The following GMDS variants were observed in gnomAD, a reference collection of about 807,000 sequenced individuals.
GMDS encodes GDP-mannose 4,6 dehydratase.
Under a neutral mutation model 49.9 loss-of-function variants are expected in GMDS, and 20 were observed. The ratio of observed to expected loss-of-function variants is 0.40; its 90% confidence interval spans 0.28 to 0.58. GMDS has a LOEUF of 0.58. Ranked by LOEUF, GMDS falls within the 20% of genes least tolerant of loss-of-function variation. The pLI, the probability that GMDS is intolerant of heterozygous loss-of-function variation, is 0.42. For missense variants in GMDS, 362 were observed against 481.4 expected, an observed-to-expected ratio of 0.75 and a Z score of 2.32; for synonymous variants, 177 against 178.6, an observed-to-expected ratio of 0.99 and a Z score of 0.07.
chr6:2,129,598 G>A (rs943539033), intron 1 of GMDS, among the ~76,000 whole-genome samples: 1 of 152,152 alleles, frequency 6.6e-6, no homozygotes, highest in African/African-American at 2.4e-5. Context: ...AACCCCTTCT[G>A]CAAGAAGAGA....
intron 1 of GMDS, among the ~76,000 whole-genome samples, chr6:2,157,961 T>C (rs1023011269): frequency 1.7e-4 from 26 of 152,154 alleles, no homozygotes; most frequent in African/African-American, 5.3e-4. Context: ...GAAATGGGCA[T>C]TAAAATCTGC....
At chr6:2,014,633 A>C (rs1195735802) in intron 4 of GMDS, among the ~76,000 whole-genome samples, 2 of 152,150 alleles carry the variant, frequency 1.3e-5, no homozygotes, top group African/African-American at 4.8e-5. Flanking sequence ...AAATCAGAGA[A>C]GGCAAGAATA....
chr6:2,109,637 T>C (rs1271660454), intron 4 of GMDS, among the ~76,000 whole-genome samples: 2 of 152,168 alleles, frequency 1.3e-5, no homozygotes, highest in African/African-American at 2.4e-5. Flanking sequence ...TTAGAGTGTG[T>C]CCCAGGAACC....
intron 1 of GMDS, among the ~76,000 whole-genome samples, chr6:2,159,059 T>G (rs1777250368): frequency 1.3e-5 from 2 of 152,210 alleles, no homozygotes; most frequent in Non-Finnish European, 2.9e-5. Flanking sequence ...TTCCTCAATT[T>G]TTTAGAATTG....
chr6:1,743,083 T>C (rs1767337007), intron 7 of GMDS, among the ~76,000 whole-genome samples: 1 of 152,146 alleles, frequency 6.6e-6, no homozygotes, highest in Non-Finnish European at 1.5e-5. Context: ...ACAATAAAGT[T>C]GAGAAGGTAC....
chr6:2,210,958 G>A (rs1414470692), intron 1 of GMDS, among the ~76,000 whole-genome samples: 21 of 152,164 alleles, frequency 1.4e-4, no homozygotes, highest in Admixed American at 1.4e-3. Flanking sequence ...GTTTAAAAGT[G>A]TGTGGCACTT....
At chr6:1,878,156 A>C (rs1759176048) in intron 7 of GMDS, among the ~76,000 whole-genome samples, 1 of 151,972 alleles carries the variant, frequency 6.6e-6, no homozygotes, top group South Asian at 2.1e-4. Context: ...TACTAAAAAT[A>C]CACAAAAAAT....
chr6:1,830,379 C>G (rs1056560183), intron 7 of GMDS, among the ~76,000 whole-genome samples: 2 of 152,194 alleles, frequency 1.3e-5, no homozygotes, highest in Admixed American at 1.3e-4. Context: ...CCCCCAGTAG[C>G]GACAACCAAA....
chr6:2,160,524 T>C (rs932441082), intron 1 of GMDS, among the ~76,000 whole-genome samples: 2 of 152,174 alleles, frequency 1.3e-5, no homozygotes, highest in African/African-American at 2.4e-5. Context: ...TGTAGAAAAA[T>C]GTCATTCAAT....
At chr6:1,736,678 G>A (rs1371173312) in intron 8 of GMDS, among the ~76,000 whole-genome samples, 1 of 152,216 alleles carries the variant, frequency 6.6e-6, no homozygotes, top group Non-Finnish European at 1.5e-5. Flanking sequence ...ATCTATCTCA[G>A]GGATCAACGG....
intron 6 of GMDS, among the ~76,000 whole-genome samples, chr6:1,931,963 G>GT (rs1290634573): frequency 1.3e-5 from 2 of 152,232 alleles, no homozygotes; most frequent in Admixed American, 1.3e-4. Context: ...CACAGAGAGG[G>GT]TCAGGTGGGC....
At chr6:2,035,402 A>G (rs1364941489) in intron 4 of GMDS, among the ~76,000 whole-genome samples, 1 of 152,130 alleles carries the variant, frequency 6.6e-6, no homozygotes, top group Non-Finnish European at 1.5e-5. Context: ...GCTCCTCATG[A>G]TATCAGGATA....
intron 4 of GMDS, among the ~76,000 whole-genome samples, chr6:1,981,702 A>T (rs2127347329): frequency 6.6e-6 from 1 of 152,268 alleles, no homozygotes; most frequent in Non-Finnish European, 1.5e-5. Context: ...ACCAAAACCT[A>T]GCAGAGGTAC....
intron 7 of GMDS, among the ~76,000 whole-genome samples, chr6:1,874,921 C>G (rs1218616081): frequency 6.6e-6 from 1 of 152,064 alleles, no homozygotes; most frequent in Admixed American, 6.6e-5. Flanking sequence ...AAGAAAAAAC[C>G]CCAATGTTTG....
intron 1 of GMDS, among the ~76,000 whole-genome samples, chr6:2,156,318 T>C (rs1489928286): frequency 6.6e-6 from 1 of 152,156 alleles, no homozygotes; most frequent in Non-Finnish European, 1.5e-5. Flanking sequence ...GGTAATGCAA[T>C]TATCTCTACG....
intron 7 of GMDS, among the ~76,000 whole-genome samples, chr6:1,919,612 CAT>C (rs2113899767): frequency 6.6e-6 from 1 of 152,316 alleles, no homozygotes; most frequent in South Asian, 2.1e-4. Flanking sequence ...GCATATGCAG[CAT>C]AGTTTCTGAA....
chr6:2,173,464 G>C (rs980063817), intron 1 of GMDS, among the ~76,000 whole-genome samples: 2 of 152,202 alleles, frequency 1.3e-5, no homozygotes, highest in African/African-American at 4.8e-5. Context: ...AGGGAAGGAG[G>C]GCAGCAAGGC....
At chr6:1,877,499 G>A (rs1006756846) in intron 7 of GMDS, among the ~76,000 whole-genome samples, 5 of 152,044 alleles carry the variant, frequency 3.3e-5, no homozygotes, top group African/African-American at 1.2e-4. Flanking sequence ...TTAGCCAGGC[G>A]TGACGGTGTG....
intron 4 of GMDS, among the ~76,000 whole-genome samples, chr6:2,110,907 TA>T (rs1264461039): frequency 6.6e-6 from 1 of 151,812 alleles, no homozygotes; most frequent in Non-Finnish European, 1.5e-5. Flanking sequence ...TTTTCAAAAC[TA>T]AAAAAAAGAC....
Sources: allele counts gnomAD v4.1 joint callset (sites outside exome capture counted in the v4.1 genomes callset), GRCh38; gene constraint gnomAD v4.1.1; transcripts MANE v1.5; gene names NCBI Gene and HGNC (gene_info 2026-07-23, HGNC 2026-07-21).